Variants in TERF1 observed in about 807,000 individuals in gnomAD.
TERF1 encodes telomeric repeat-binding factor 1.
TERF1 carries 20 observed loss-of-function variants against 55.1 expected under a neutral mutation model. The observed-to-expected ratio is 0.36, with a 90% confidence interval of 0.26 to 0.53. The LOEUF is 0.53. TERF1 is among the 20% of genes least tolerant of loss of function. The pLI is 0.91. For synonymous variants in TERF1, 168 were observed against 181.2 expected, an observed-to-expected ratio of 0.93 and a Z score of 0.59; for missense variants, 439 against 535.7, an observed-to-expected ratio of 0.82 and a Z score of 1.78.
intron 3 of TERF1, among the ~76,000 whole-genome samples, chr8:73,021,541 A>T (rs990290078): frequency 6.6e-6 from 1 of 152,194 alleles, no homozygotes; most frequent in African/African-American, 2.4e-5. Flanking sequence ...TATATTCCTT[A>T]CTATTTGCCA....
chr8:73,031,614 A>C (rs900682489), intron 7 of TERF1: 4 of 152,544 alleles, frequency 2.6e-5, no homozygotes, highest in African/African-American at 9.6e-5. Context: ...TCTTTTTGGA[A>C]GCTGTAAAGA....
chr8:73,027,099 T>A (rs1435809041), intron 6 of TERF1, 47 bp downstream of exon 6: 1 of 1,326,652 alleles, frequency 7.5e-7, no homozygotes, highest in South Asian at 1.3e-5. Context: ...ATGAATGTTC[T>A]GTCTTTATGT....
At chr8:73,015,001 G>A (rs182879643) in intron 2 of TERF1, among the ~76,000 whole-genome samples, 1 of 152,358 alleles carries the variant, frequency 6.6e-6, no homozygotes, top group East Asian at 1.9e-4. Context: ...TGTTAACAGG[G>A]TTGTTTTCTA....
At chr8:73,035,903 G>GA (rs1398069236) in intron 8 of TERF1, among the ~76,000 whole-genome samples, 1 of 152,106 alleles carries the variant, frequency 6.6e-6, no homozygotes, top group Non-Finnish European at 1.5e-5. Context: ...TATTGTCAGG[G>GA]AAAAAACCTA....
intron 6 of TERF1, among the ~76,000 whole-genome samples, chr8:73,028,165 A>G (rs972965578): frequency 3.3e-5 from 5 of 152,146 alleles, no homozygotes; most frequent in African/African-American, 9.7e-5. Context: ...TGCTAATACC[A>G]TGGTTCTTAC....
In TERF1 at chr8:73,046,193, T is replaced by G; in HGVS notation, c.*56T>G. ...GTTAAGTATTTTGATCACTGCATTT[T>G]GTTTGAAACTTGTGTCATTGATGTA... On this transcript the variant is annotated 3_prime_UTR_variant, in exon 10 of 10. Coordinates refer to ENST00000276603, the MANE Select transcript of TERF1 (RefSeq NM_017489.3). 1.4e-6 allele frequency: 2 copies of G among 1,380,546 alleles called. No homozygotes were observed. Among genetic ancestry groups the G allele is most frequent in the Non-Finnish European group, 1.9e-6 (2 of 1,037,124 alleles). 85.5% of individuals were successfully genotyped at this position (1,380,546 alleles called of 1,614,324 possible).
intron 8 of TERF1, among the ~76,000 whole-genome samples, chr8:73,032,672 C>T (rs942006170): frequency 2.6e-5 from 4 of 151,910 alleles, no homozygotes; most frequent in African/African-American, 9.7e-5. Context: ...AGAACATATC[C>T]CCCTTGTAAA....
intron 6 of TERF1, among the ~76,000 whole-genome samples, chr8:73,028,581 T>TTTC (rs1260373131): frequency 1.3e-5 from 2 of 148,724 alleles, no homozygotes; most frequent in Non-Finnish European, 3.0e-5. Context: ...ATTTTTTTTT[T>TTTC]TTTTTTTTTT....
intron 4 of TERF1, among the ~76,000 whole-genome samples, chr8:73,024,217 A>G (rs748744303): frequency 2.0e-4 from 31 of 152,234 alleles, no homozygotes; most frequent in Non-Finnish European, 3.5e-4. Flanking sequence ...AGAATGGATG[A>G]ATAAGTGATG....
At chr8:73,042,989 C>T (rs904294670) in intron 9 of TERF1, 5 of 152,090 alleles carry the variant, frequency 3.3e-5, no homozygotes, top group African/African-American at 1.2e-4. Context: ...GAATCTGGTA[C>T]AATCAGTTAA....
At chr8:73,042,202 C>A (rs1355238558) in intron 9 of TERF1, among the ~76,000 whole-genome samples, 1 of 152,102 alleles carries the variant, frequency 6.6e-6, no homozygotes, top group Non-Finnish European at 1.5e-5. Flanking sequence ...TATAGTTCTT[C>A]CAGCAGCCAT....
chr8:73,037,751 TATA>T (rs1300300821), intron 8 of TERF1, among the ~76,000 whole-genome samples: 18 of 82,536 alleles, frequency 2.2e-4, no homozygotes, highest in Admixed American at 8.0e-4. Flanking sequence ...ATATATTATA[TATA>T]ATATTATATA....
chr8:73,039,779 G>A (rs1379917828), intron 9 of TERF1, among the ~76,000 whole-genome samples: 5 of 130,352 alleles, frequency 3.8e-5, no homozygotes, highest in African/African-American at 2.0e-4. Context: ...TGGTGTGTGT[G>A]TGTGTGTGTG....
intron 9 of TERF1, among the ~76,000 whole-genome samples, chr8:73,039,770 GGTGTGTGTGTGTGTGTGTGTGTGT>G (rs35184446): frequency 5.1e-5 from 7 of 136,364 alleles, no homozygotes; most frequent in Non-Finnish European, 1.1e-4. Context: ...TTGTTTTTGT[GGTGTGTGTGTGTGTGTGTGTGTGT>G]GTGTGTGTGT....
chr8:73,022,131 C>A, intron 3 of TERF1, 85 bp from the exon 4 acceptor site: 2 of 770,068 alleles, frequency 2.6e-6, no homozygotes, highest in Non-Finnish European at 4.2e-6. Context: ...CAGAGGATTT[C>A]AGACTTACCT....
chr8:73,030,329 TTTAAAG>T lies in TERF1; in HGVS notation c.888-5_888del, dbSNP rs1220161166. The T allele has an allele frequency of 6.5e-7, 1 of 1,542,156 alleles. No homozygotes were observed. Among genetic ancestry groups the T allele is most frequent in the Non-Finnish European group, 8.7e-7 (1 of 1,152,744 alleles). Reference sequence around the variant, plus strand: ...TACATTCTTACAAATTTTTTCTTCTTTTAAAGTGTTAGTGACAAACAGTCTGCGGTA... The same window carrying T: ...TACATTCTTACAAATTTTTTCTTCTTTGTTAGTGACAAACAGTCTGCGGTA... On this transcript the variant is annotated splice_acceptor_variant and splice_polypyrimidine_tract_variant and intron_variant, in intron 6 of 9. Transcript: ENST00000276603. LOFTEE classifies it high-confidence loss of function.
At chr8:73,026,176 G>T (rs1430390757) in intron 5 of TERF1, among the ~76,000 whole-genome samples, 2 of 151,042 alleles carry the variant, frequency 1.3e-5, no homozygotes, top group Admixed American at 1.3e-4. Flanking sequence ...TCCAGCCTGG[G>T]TGACAAAGTG....
intron 1 of TERF1, chr8:73,010,884 C>T (rs915887874): frequency 1.3e-5 from 2 of 152,174 alleles, no homozygotes; most frequent in Non-Finnish European, 2.9e-5. Flanking sequence ...GTATGTACGT[C>T]TCCCTCAGAG....
chr8:73,014,118 G>T (rs1166973713), intron 2 of TERF1, 128 bp downstream of exon 2: 5 of 673,030 alleles, frequency 7.4e-6, no homozygotes, highest in South Asian at 5.6e-5. Flanking sequence ...GTGTGGGGGG[G>T]TGGTGTGTGT....
Sources: gnomAD v4.1 joint callset for allele counts (sites outside exome capture counted in the v4.1 genomes callset) on GRCh38, gnomAD v4.1.1 for gene constraint, MANE v1.5 for transcripts, NCBI Gene and HGNC (gene_info 2026-07-23, HGNC 2026-07-21) for gene names.